RHBDD1: variants seen among roughly 807,000 people sequenced by gnomAD.
RHBDD1 encodes rhomboid domain containing 1.
A neutral mutation model predicts 36.3 loss-of-function variants in RHBDD1; 38 were observed. That is an observed-to-expected ratio of 1.05 (90% CI 0.81 to 1.37). The LOEUF is 1.37. Among genes scored for constraint, RHBDD1 ranks in the 40% most tolerant of loss-of-function variants. The probability of loss-of-function intolerance (pLI) is 0.00; values close to 1 mark genes in which losing one functional copy is unlikely to be tolerated. For synonymous variants in RHBDD1, 151 were observed against 136.5 expected (o/e 1.11, Z -0.74); for missense variants, 393 against 377.6 (o/e 1.04, Z -0.34).
intron 8 of RHBDD1, among the ~76,000 whole-genome samples, chr2:226,945,484 T>C (rs1009373006): frequency 6.6e-6 from 1 of 152,218 alleles, no homozygotes; most frequent in South Asian, 2.1e-4. Flanking sequence ...GCAACAGACA[T>C]GAACTCATCC....
chr2:226,908,582 TACACACACACACACACACACACAC>T (rs10559846), intron 6 of RHBDD1: 34 of 346,810 alleles, frequency 9.8e-5, no homozygotes, highest in African/African-American at 1.6e-4. Flanking sequence ...CATTTTCCAC[TACACACACACACACACACACACAC>T]ACACACACAC....
Position 226,997,417 on chromosome 2 carries a change from C to T in RHBDD1, c.*1895C>T, listed in dbSNP as rs762067253. 9.2e-5 allele frequency: 14 copies of T among 152,192 alleles called. No homozygotes were observed. Among genetic ancestry groups the T allele is most frequent in the Non-Finnish European group, 1.3e-4 (9 of 68,046 alleles). 9.4% of individuals were successfully genotyped at this position (152,192 alleles called of 1,614,324 possible). The stretch of plus-strand genomic sequence containing the variant: ...TGCCCCTATTATTAACTGTGCACAG[C>T]TACACAAAGGTGTGCCTTCTACGTG... On this transcript the variant is annotated 3_prime_UTR_variant, in exon 9 of 9. Transcript: ENST00000392062.
At chr2:226,822,112 GA>G in the RHBDD1 span, among the ~76,000 whole-genome samples, 4 of 151,974 alleles carry the variant, frequency 2.6e-5, no homozygotes, top group African/African-American at 7.2e-5. Flanking sequence ...GGGAAAAAAA[GA>G]AAAAAACTTC....
chr2:226,987,275 T>C (rs1450919321), intron 8 of RHBDD1, among the ~76,000 whole-genome samples: 1 of 151,892 alleles, frequency 6.6e-6, no homozygotes, highest in East Asian at 1.9e-4. Context: ...CAAACCACCA[T>C]GGCACACATA....
In RHBDD1 at chr2:226,996,067, G is replaced by A. The variant is rs1959211259; in HGVS notation, c.*545G>A. 6.4e-6 allele frequency: 1 copy of A among 157,332 alleles called. No individual in the cohort carries two copies. Among genetic ancestry groups the A allele is most frequent in the East Asian group, 1.9e-4 (1 of 5,272 alleles). The allele number at this position is 157,332 out of a possible 1,614,324, so 9.7% of individuals were successfully genotyped here. On this transcript the variant is annotated 3_prime_UTR_variant, in exon 9 of 9. Coordinates refer to ENST00000392062, the MANE Select transcript of RHBDD1 (RefSeq NM_001167608.3). The stretch of plus-strand genomic sequence containing the variant: ...CTCAGCTCCTCGGGCCCCTGCGTCT[G>A]GCTGGTGTTTGCAGGGCTTTCGCTC...
In RHBDD1 at chr2:226,841,253, C is replaced by G. The variant is rs558820007; in HGVS notation, c.-91+1626C>G. 6.6e-5 allele frequency among the ~76,000 whole-genome samples: 10 copies of G among 152,274 alleles called. No homozygotes were observed. The East Asian group carries it at 1.9e-3, about 29-fold the overall frequency. The stretch of plus-strand genomic sequence containing the variant: ...GCTCAGTTGATCCTCCCACCTCAGC[C>G]TCCCTAGTAGCTGGGACTACAGACA... On this transcript the variant is annotated intron_variant, in intron 3 of 8. Transcript: ENST00000392062.
chr2:226,841,482 T>TGTG (rs1294235928), intron 3 of RHBDD1, among the ~76,000 whole-genome samples: 1 of 152,244 alleles, frequency 6.6e-6, no homozygotes, highest in African/African-American at 2.4e-5. Context: ...GGCCCCAGTG[T>TGTG]GTGGTGGCTC....
At chr2:226,965,381 T>C (rs534252538) in intron 8 of RHBDD1, among the ~76,000 whole-genome samples, 13 of 152,274 alleles carry the variant, frequency 8.5e-5, no homozygotes, top group East Asian at 3.9e-4. Flanking sequence ...TCTGTTGTTT[T>C]AAGGAACTCA....
upstream of RHBDD1, among the ~76,000 whole-genome samples, chr2:226,833,239 C>T (rs1036783789): frequency 8.5e-5 from 13 of 152,192 alleles, no homozygotes; most frequent in African/African-American, 3.1e-4. Flanking sequence ...TATTTTGGTA[C>T]AGTTTTGGGT....
At chr2:226,830,910 TTTC>T (rs1940725261), upstream of RHBDD1, among the ~76,000 whole-genome samples, 1 of 152,212 alleles carries the variant, frequency 6.6e-6, no homozygotes, top group South Asian at 2.1e-4. Context: ...GCTCAAGCAC[TTTC>T]TTACCTTGGC....
chr2:226,969,841 T>G (rs1953101822), intron 8 of RHBDD1, among the ~76,000 whole-genome samples: 1 of 152,206 alleles, frequency 6.6e-6, no homozygotes, highest in Admixed American at 6.5e-5. Context: ...TTTTCTTGGT[T>G]TGTTTTCTTG....
At chr2:226,973,521 C>T (rs1953973723) in intron 8 of RHBDD1, among the ~76,000 whole-genome samples, 1 of 152,232 alleles carries the variant, frequency 6.6e-6, no homozygotes, top group Non-Finnish European at 1.5e-5. Context: ...GAGCAAAGCT[C>T]TACTGCCTTA....
chr2:226,982,759 T>A (rs1956057665), intron 8 of RHBDD1, among the ~76,000 whole-genome samples: 1 of 152,220 alleles, frequency 6.6e-6, no homozygotes. Context: ...AGCTTGTTCT[T>A]TCATTCATTC....
intron 5 of RHBDD1, among the ~76,000 whole-genome samples, chr2:226,893,803 TCA>T (rs1946871366): frequency 6.6e-6 from 1 of 152,236 alleles, no homozygotes; most frequent in South Asian, 2.1e-4. Context: ...ACTAGCTGTC[TCA>T]CAGCTTACAG....
chr2:226,950,202 C>T (rs1016185531), intron 8 of RHBDD1, among the ~76,000 whole-genome samples: 3 of 152,148 alleles, frequency 2.0e-5, no homozygotes, highest in East Asian at 3.9e-4. Context: ...CAGGGTCTCC[C>T]CAGCTTGCAG....
At chr2:226,907,738 G>T (rs528826076) in intron 6 of RHBDD1, among the ~76,000 whole-genome samples, 2 of 152,142 alleles carry the variant, frequency 1.3e-5, no homozygotes, top group Admixed American at 6.5e-5. Context: ...TTCACTTTTG[G>T]TTGATTTTTA....
intron 3 of RHBDD1, among the ~76,000 whole-genome samples, chr2:226,848,475 C>T (rs1352410931): frequency 2.0e-5 from 3 of 152,128 alleles, no homozygotes; most frequent in Non-Finnish European, 4.4e-5. Flanking sequence ...TCAGCTCTGA[C>T]ACATAAAGAT....
the RHBDD1 span, chr2:226,807,730 G>A: frequency 6.6e-6 from 1 of 152,230 alleles, no homozygotes; most frequent in African/African-American, 2.4e-5. Flanking sequence ...CCTTTGTAAG[G>A]ACTTTGGTTT....
At chr2:226,843,928 A>AT (rs1941941760) in intron 3 of RHBDD1, among the ~76,000 whole-genome samples, 1 of 152,014 alleles carries the variant, frequency 6.6e-6, no homozygotes, top group Non-Finnish European at 1.5e-5. Context: ...TTGGTAGGCT[A>AT]TTTGTTACTG....
Sources: allele counts gnomAD v4.1 joint callset (sites outside exome capture counted in the v4.1 genomes callset), GRCh38; gene constraint gnomAD v4.1.1; transcripts MANE v1.5; gene names NCBI Gene and HGNC (gene_info 2026-07-23, HGNC 2026-07-21).